Variants in SETD4 observed in about 807,000 individuals in gnomAD.
SETD4 encodes SET domain containing 4.
SETD4 carries 46 observed loss-of-function variants against 58.3 expected under a neutral mutation model. That is an observed-to-expected ratio of 0.79 (90% CI 0.62 to 1.01). SETD4 has a LOEUF of 1.01. Among genes scored for constraint, SETD4 ranks in the 50% least tolerant of loss-of-function variants. SETD4 has a pLI of 0.00. For synonymous variants in SETD4, 190 were observed against 202.6 expected (o/e 0.94, Z 0.53); for missense variants, 490 against 523.3 (o/e 0.94, Z 0.62).
At chr21:36,047,834 CAAAAAAA>C (rs34827028) in intron 5 of SETD4, among the ~76,000 whole-genome samples, 42 of 70,908 alleles carry the variant, frequency 5.9e-4, no homozygotes, top group Admixed American at 1.3e-3. Context: ...ACTAAAAATA[CAAAAAAA>C]AAAAAAAAAA....
chr21:36,055,301 T>C (rs560816895), intron 3 of SETD4, among the ~76,000 whole-genome samples: 18 of 152,228 alleles, frequency 1.2e-4, no homozygotes, highest in South Asian at 4.2e-4. Flanking sequence ...AAAAAACATA[T>C]AGTAATCTAC....
chr21:36,058,505 CA>C (rs61270283), intron 2 of SETD4, among the ~76,000 whole-genome samples: 216 of 95,144 alleles, frequency 2.3e-3, no homozygotes, highest in Admixed American at 4.2e-3. Context: ...ACCTTGTCTC[CA>C]AAAAAAAAAA....
At position 36,040,582 on chromosome 21, in the gene SETD4, C is replaced by A. The variant is rs1441650347; in HGVS notation, c.1057G>T (p.Glu353Ter). Residue 353 changes from glutamate to a stop codon, truncating the protein, a stop_gained, in exon 9 of 12, where the codon GAG (glutamate) becomes TAG (stop). Transcript: ENST00000332131. LOFTEE classifies it high-confidence loss of function. ...TALKLLCLEA[E>*]KFTCWKKVLL... ...AACACATGTGAAACTTACAATTTCT[C>A]AGCTTCCAGACATAACAACTTAAGG... 6.2e-7 allele frequency: 1 copy of A among 1,613,476 alleles called. No homozygotes were observed. Among genetic ancestry groups the A allele is most frequent in the Non-Finnish European group, 8.5e-7 (1 of 1,179,540 alleles).
At chr21:36,055,695 G>A (rs571498912) in intron 3 of SETD4, among the ~76,000 whole-genome samples, 121 of 152,304 alleles carry the variant, frequency 7.9e-4, no homozygotes, top group African/African-American at 2.9e-3. Context: ...GTAAGCACTG[G>A]GCACGGGTCA....
Position 36,045,664 on chromosome 21 carries a change from TGCCTGGGCCTCAGGTACACG to T in SETD4, c.624_643del (p.Val209AlafsTer23). On this transcript the variant is annotated frameshift_variant, in exon 6 of 12. Transcript: ENST00000332131. LOFTEE classifies it high-confidence loss of function. The stretch of plus-strand genomic sequence containing the variant: ...CGGCTCTGCAGAAAGGCATTCCCGC[TGCCTGGGCCTCAGGTACACG>T]GCTCTGGTGTTGACGGTGCACCAAG... 1 of 1,614,152 alleles carries T rather than the reference TGCCTGGGCCTCAGGTACACG, an allele frequency of 6.2e-7. No individual in the cohort carries two copies. Among genetic ancestry groups the T allele is most frequent in the South Asian group, 1.1e-5 (1 of 91,084 alleles).
At chr21:36,054,105 A>C (rs1568935389) in intron 3 of SETD4, among the ~76,000 whole-genome samples, 1 of 152,126 alleles carries the variant, frequency 6.6e-6, no homozygotes, top group Non-Finnish European at 1.5e-5. Context: ...GCCTGCAGAC[A>C]TCCTCCCCTC....
At chr21:36,055,237 A>C (rs1451392625) in intron 3 of SETD4, among the ~76,000 whole-genome samples, 2 of 152,250 alleles carry the variant, frequency 1.3e-5, no homozygotes, top group African/African-American at 4.8e-5. Context: ...GGCCTATGGA[A>C]TACATCTAGA....
Position 36,048,471 on chromosome 21 carries a change from G to T in SETD4, c.208-75C>A, listed in dbSNP as rs746335830. On this transcript the variant is annotated intron_variant, in intron 4 of 11. Transcript: ENST00000332131. ...CCATGAGTATGAGTCTTACAAAGTC[G>T]TTGATCCCACAATCACCTACCAGTA... 18 of 1,343,840 alleles carry T rather than the reference G, an allele frequency of 1.3e-5. No individual in the cohort carries two copies. In the East Asian group the frequency reaches 4.1e-4, roughly 31 times the overall value. The allele number at this position is 1,343,840 out of a possible 1,614,324, so 83.2% of individuals were successfully genotyped here.
chr21:36,040,714 GCAAATGA>G, intron 8 of SETD4, 59 bp from the exon 9 acceptor site: 1 of 1,450,922 alleles, frequency 6.9e-7, no homozygotes, highest in South Asian at 1.1e-5. Context: ...TGACCTCATA[GCAAATGA>G]CTGAAGAGCC....
intron 1 of SETD4, 69 bp downstream of exon 1, chr21:36,060,278 G>A (rs573722933): frequency 3.4e-5 from 12 of 355,478 alleles, no homozygotes; most frequent in African/African-American, 2.0e-4. Context: ...ACTAAGGAAC[G>A]CACCCCGCCG....
chr21:36,053,654 T>C (rs2064831287), intron 3 of SETD4, 34 bp from the exon 4 acceptor site: 2 of 1,608,300 alleles, frequency 1.2e-6, no homozygotes, highest in African/African-American at 1.3e-5. Context: ...GAGTAAATCC[T>C]ACCATAACTT....
chr21:36,040,385 G>T (rs1290495818), intron 9 of SETD4, among the ~76,000 whole-genome samples, 190 bp downstream of exon 9: 2 of 152,136 alleles, frequency 1.3e-5, no homozygotes, highest in Non-Finnish European at 2.9e-5. Context: ...ATTCCAAAAC[G>T]GTTAAAACTT....
Position 36,037,368 on chromosome 21 carries a change from G to C in SETD4, c.1188+782C>G, listed in dbSNP as rs576145582. The stretch of plus-strand genomic sequence containing the variant: ...GCCTGTAATCCCAGCACTTTGGGAG[G>C]CTGAGGTGGGCGGATCACCTGAGGT... On this transcript the variant is annotated intron_variant, in intron 10 of 11. Coordinates refer to ENST00000332131, the MANE Select transcript of SETD4 (RefSeq NM_017438.5). 5.9e-5 allele frequency among the ~76,000 whole-genome samples: 9 copies of C among 152,076 alleles called. 1 individual carries two copies. The South Asian group carries it at 1.9e-3, about 32-fold the overall frequency.
At chr21:36,039,146 A>T (rs983611260) in intron 9 of SETD4, among the ~76,000 whole-genome samples, 1 of 152,176 alleles carries the variant, frequency 6.6e-6, no homozygotes, top group African/African-American at 2.4e-5. Context: ...AGAAAAAGGA[A>T]ATGACTGTGT....
intron 3 of SETD4, among the ~76,000 whole-genome samples, chr21:36,056,598 G>A (rs1259971260): frequency 6.6e-6 from 1 of 152,136 alleles, no homozygotes; most frequent in Non-Finnish European, 1.5e-5. Context: ...TCACTCTATC[G>A]CCCAAGCTGG....
intron 10 of SETD4, 130 bp downstream of exon 10, chr21:36,038,020 C>T (rs2063864914): frequency 2.1e-5 from 23 of 1,101,068 alleles, no homozygotes; most frequent in East Asian, 5.5e-5. Context: ...ATAGAGATTA[C>T]ATCAACATTT....
rs912551868 is a variant in SETD4, at chr21:36,053,684, A to G, written c.170-64T>C. Reference sequence around the variant, plus strand: ...TAACTTCAAGGTCCCAGAGATAACTATTATGGAAAAAAAAAATGTGAACTT... The same window carrying G: ...TAACTTCAAGGTCCCAGAGATAACTGTTATGGAAAAAAAAAATGTGAACTT... On this transcript the variant is annotated intron_variant, in intron 3 of 11. Transcript: ENST00000332131. 11 of 1,511,982 alleles carry G rather than the reference A, an allele frequency of 7.3e-6. No individual in the cohort carries two copies. The African/African-American group carries it at 1.5e-4, about 21-fold the overall frequency. The allele number at this position is 1,511,982 out of a possible 1,614,324, so 93.7% of individuals were successfully genotyped here. A position where few individuals can be genotyped will look rare whatever the true frequency, so the allele number is the denominator to read the frequency against.
In SETD4 at chr21:36,046,452, T is replaced by G. The variant is rs147834937; in HGVS notation, c.297-441A>C. Among the ~76,000 whole-genome samples the G allele has an allele frequency of 2.0e-3, 301 of 152,358 alleles. 1 individual carries two copies. The highest frequency in any genetic ancestry group is 6.8e-3 in the African/African-American group (284 of 41,588). On this transcript the variant is annotated intron_variant, in intron 5 of 11. Transcript: ENST00000332131. ...ATAGTAATCACTGGGTACACAGAGCTATTTAAATTTAACCTTTAATTATTT... is the reference window on the plus strand; with the variant it reads ...ATAGTAATCACTGGGTACACAGAGCGATTTAAATTTAACCTTTAATTATTT...
chr21:36,059,042 A>C, intron 1 of SETD4, 118 bp from the exon 2 acceptor site: 1 of 1,202,962 alleles, frequency 8.3e-7, no homozygotes, highest in South Asian at 1.8e-5. Flanking sequence ...TGTACCTTTA[A>C]GTATACAAAT....
Sources: gnomAD v4.1 joint callset for allele counts (sites outside exome capture counted in the v4.1 genomes callset) on GRCh38, gnomAD v4.1.1 for gene constraint, MANE v1.5 for transcripts, NCBI Gene and HGNC (gene_info 2026-07-23, HGNC 2026-07-21) for gene names.